Variants in SMCO4 observed in about 807,000 individuals in gnomAD.
The protein encoded by SMCO4 is single-pass membrane and coiled-coil domain-containing protein 4.
A neutral mutation model predicts 3.6 loss-of-function variants in SMCO4; 4 were observed. The ratio of observed to expected loss-of-function variants is 1.11; its 90% CI spans 0.54 to 2.53. SMCO4 has a LOEUF of 2.53. Among genes scored for constraint, SMCO4 ranks in the 30% most tolerant of loss-of-function variants. SMCO4 has a pLI of 0.02. For synonymous variants in SMCO4, 36 were observed against 35.3 expected (o/e 1.02, Z -0.07); for missense variants, 70 against 80.8 (o/e 0.87, Z 0.51).
upstream of SMCO4, among the ~76,000 whole-genome samples, chr11:93,547,429 C>T (rs1451282105): frequency 6.6e-6 from 1 of 152,198 alleles, no homozygotes; most frequent in African/African-American, 2.4e-5. Context: ...CCTTAAATGT[C>T]GTCTTCTCAG....
At chr11:93,487,752 G>A (rs1361179352) in intron 2 of SMCO4, among the ~76,000 whole-genome samples, 2 of 152,148 alleles carry the variant, frequency 1.3e-5, no homozygotes, top group African/African-American at 2.4e-5. Context: ...ATTGTCCTTA[G>A]TCAACAAGAA....
chr11:93,541,589 C>A (rs4753467), intron 1 of SMCO4, among the ~76,000 whole-genome samples: 123,641 of 152,090 alleles, frequency 0.81, 50,343 homozygotes, highest in East Asian at 0.91. Flanking sequence ...GAAGATTAAA[C>A]AATAAGAAAA....
intron 1 of SMCO4, among the ~76,000 whole-genome samples, chr11:93,522,617 G>A (rs565963026): frequency 3.0e-4 from 45 of 152,232 alleles, no homozygotes; most frequent in African/African-American, 9.6e-4. Context: ...CCAAGTCTCC[G>A]CCATTGTAGA....
At chr11:93,498,743 G>C (rs1948804112) in intron 2 of SMCO4, among the ~76,000 whole-genome samples, 1 of 152,210 alleles carries the variant, frequency 6.6e-6, no homozygotes, top group African/African-American at 2.4e-5. Context: ...CCTAGTACAG[G>C]CCCAGTAAGG....
rs199696547 is a variant in SMCO4 at position 93,479,066 on chromosome 11, C to T, written c.124G>A (p.Val42Met). 45 of 1,613,808 alleles carry T rather than the reference C, an allele frequency of 2.8e-5. No homozygotes were observed. Among genetic ancestry groups the T allele is most frequent in the Admixed American group, 6.7e-5 (4 of 60,028 alleles). Residue 42 changes from valine (V) to methionine (M), a missense_variant, in exon 3 of 3, where the codon GTG becomes ATG. Physicochemically the swap from Val to Met is conservative, Grantham distance 21. Coordinates refer to ENST00000298966, the MANE Select transcript of SMCO4 (RefSeq NM_020179.3). ...TVVLPTLAVVVLLIVVFVYVA... is the reference protein window; with the variant it reads ...TVVLPTLAVVMLLIVVFVYVA... ...TACACAAACACCACGATCAAGAGCA[C>T]GACCACGGCCAGCGTGGGCAGCACC...
At chr11:93,535,350 GT>G in intron 1 of SMCO4, 1 of 632,192 alleles carries the variant, frequency 1.6e-6, no homozygotes, top group South Asian at 2.0e-5. Context: ...ATCTTCTATA[GT>G]TGCTATGGAC....
intron 2 of SMCO4, among the ~76,000 whole-genome samples, chr11:93,486,130 G>C (rs1401328160): frequency 1.3e-5 from 2 of 152,192 alleles, no homozygotes; most frequent in East Asian, 1.9e-4. Flanking sequence ...TACCTATCAA[G>C]CGACTGCACT....
intron 1 of SMCO4, among the ~76,000 whole-genome samples, chr11:93,525,611 T>C (rs767842809): frequency 1.3e-5 from 2 of 152,142 alleles, no homozygotes; most frequent in Admixed American, 6.5e-5. Flanking sequence ...CTCCAGACTC[T>C]TCCCACTTTA....
the SMCO4 span, among the ~76,000 whole-genome samples, chr11:93,551,391 G>A: frequency 6.6e-6 from 1 of 152,082 alleles, no homozygotes; most frequent in East Asian, 1.9e-4. Flanking sequence ...CTATGTCTCG[G>A]ACAATGATCA....
chr11:93,501,099 A>T (rs7129968), intron 1 of SMCO4, among the ~76,000 whole-genome samples: 2,240 of 152,276 alleles, frequency 0.015, 55 homozygotes, highest in African/African-American at 0.05. Flanking sequence ...ACTTTCTCTC[A>T]CTAGGCCTCA....
chr11:93,552,450 T>A, the SMCO4 span, among the ~76,000 whole-genome samples: 2 of 105,168 alleles, frequency 1.9e-5, no homozygotes, highest in Non-Finnish European at 4.1e-5. Context: ...ACGTTATTAT[T>A]ATTATTATTA....
intron 1 of SMCO4, among the ~76,000 whole-genome samples, chr11:93,540,494 G>C (rs1225448835): frequency 1.3e-5 from 2 of 152,150 alleles, no homozygotes; most frequent in African/African-American, 4.8e-5. Flanking sequence ...GCTGGGTTAG[G>C]GAGCCCGTTA....
chr11:93,491,944 G>A (rs1367939336), intron 2 of SMCO4, among the ~76,000 whole-genome samples: 1 of 152,176 alleles, frequency 6.6e-6, no homozygotes, highest in Non-Finnish European at 1.5e-5. Flanking sequence ...AGATGCACAA[G>A]CACCAGTTGT....
Position 93,478,923 on chromosome 11 carries a change from T to C in SMCO4, c.*87A>G. 2.0e-6 allele frequency: 3 copies of C among 1,491,632 alleles called. No individual in the cohort carries two copies. The highest frequency in any genetic ancestry group is 2.1e-5 in the Admixed American group (1 of 47,592). 92.4% of individuals were successfully genotyped at this position (1,491,632 alleles called of 1,614,324 possible). A position where few individuals can be genotyped will look rare whatever the true frequency, so the allele number is the denominator to read the frequency against. On this transcript the variant is annotated 3_prime_UTR_variant, in exon 3 of 3. Coordinates refer to ENST00000298966, the MANE Select transcript of SMCO4 (RefSeq NM_020179.3). ...TGCTTACAGCTCAGCAACATGAACA[T>C]CTCTGAATATGAAAGCCATTTTTTG...
chr11:93,542,873 C>G (rs888763733), intron 1 of SMCO4, among the ~76,000 whole-genome samples: 1 of 152,214 alleles, frequency 6.6e-6, no homozygotes, highest in East Asian at 1.9e-4. Context: ...CCTTCCCATA[C>G]GGGGCCCTCC....
intron 1 of SMCO4, among the ~76,000 whole-genome samples, chr11:93,531,762 C>A (rs911155931): frequency 2.6e-5 from 4 of 152,186 alleles, no homozygotes; most frequent in Admixed American, 6.5e-5. Context: ...CCCCAAATCA[C>A]TAAGCTAAAG....
At chr11:93,523,607 T>C (rs574019788) in intron 1 of SMCO4, among the ~76,000 whole-genome samples, 1 of 152,322 alleles carries the variant, frequency 6.6e-6, no homozygotes, top group South Asian at 2.1e-4. Flanking sequence ...TGCAGTGAGC[T>C]GAGATCATGC....
rs1555077564 is a variant in SMCO4, at chr11:93,514,413, T to TATGTATATATATATATAC, written c.-153-15066_-153-15065insGTATATATATATATACAT. ...ATATATATATATATATATATATATA[T>TATGTATATATATATATAC]ATATATATAAAATTTGGTCTCTTCC... On this transcript the variant is annotated intron_variant, in intron 1 of 2. Coordinates refer to ENST00000298966, the MANE Select transcript of SMCO4 (RefSeq NM_020179.3). Among the ~76,000 whole-genome samples, 82 of 33,940 alleles carry TATGTATATATATATATAC rather than the reference T, an allele frequency of 2.4e-3. 2 individuals carry two copies. The highest frequency in any genetic ancestry group is 7.6e-3 in the African/African-American group (81 of 10,704). 22.3% of individuals were successfully genotyped at this position (33,940 alleles called of 152,430 possible).
intron 1 of SMCO4, among the ~76,000 whole-genome samples, chr11:93,515,556 T>C (rs1241252948): frequency 1.3e-5 from 2 of 152,098 alleles, no homozygotes; most frequent in African/African-American, 4.8e-5. Flanking sequence ...CAAAAGAAAA[T>C]TTGAAATAAG....
Sources: gnomAD v4.1 joint callset for allele counts (sites outside exome capture counted in the v4.1 genomes callset) on GRCh38, gnomAD v4.1.1 for gene constraint, MANE v1.5 for transcripts, NCBI Gene and HGNC (gene_info 2026-07-23, HGNC 2026-07-21) for gene names.